The following GTF2E1 variants were observed in gnomAD, a reference collection of about 807,000 sequenced individuals.
GTF2E1 encodes the protein general transcription factor IIE subunit 1, also known as TFIIE alpha subunit.
A neutral mutation model predicts 34.9 loss-of-function variants in GTF2E1; 14 were observed. That is an observed-to-expected ratio of 0.40 (90% CI 0.27 to 0.63). The LOEUF (loss-of-function observed/expected upper bound fraction) is 0.63, where lower values mean the gene tolerates loss of function less well. Among genes scored for constraint, GTF2E1 ranks in the 20% least tolerant of loss-of-function variants. The pLI, the probability that GTF2E1 is intolerant of heterozygous loss-of-function variation, is 0.39. For missense variants in GTF2E1, 469 were observed against 557.7 expected, an observed-to-expected ratio of 0.84 and a Z score of 1.60; for synonymous variants, 188 against 192.9, an observed-to-expected ratio of 0.97 and a Z score of 0.21.
At chr3:120,748,744 G>A (rs1208040297) in intron 1 of GTF2E1, among the ~76,000 whole-genome samples, 2 of 152,074 alleles carry the variant, frequency 1.3e-5, no homozygotes, top group Non-Finnish European at 2.9e-5. Context: ...GCTCTTTTTT[G>A]GTTCCATATG....
chr3:120,742,967 C>G (rs1425197922), intron 1 of GTF2E1, 173 bp downstream of exon 1: 2 of 190,432 alleles, frequency 1.1e-5, no homozygotes, highest in Admixed American at 1.1e-4. Flanking sequence ...CGTGTGCGAC[C>G]TCGGGTAGGG....
At chr3:120,769,472 T>TGAAG (rs964626961) in intron 2 of GTF2E1, among the ~76,000 whole-genome samples, 58 of 152,290 alleles carry the variant, frequency 3.8e-4, no homozygotes, top group Middle Eastern at 3.4e-3. Context: ...AGGGAAGTGA[T>TGAAG]GAAGGTTTCC....
At chr3:120,760,405 T>A (rs973872439) in intron 2 of GTF2E1, among the ~76,000 whole-genome samples, 5 of 152,340 alleles carry the variant, frequency 3.3e-5, no homozygotes, top group African/African-American at 1.2e-4. Flanking sequence ...ATTTTCCTAA[T>A]TGAATACCCT....
At chr3:120,780,909 CA>C in intron 4 of GTF2E1, 133 bp from the exon 5 acceptor site, 1 of 614,458 alleles carries the variant, frequency 1.6e-6, no homozygotes, top group Non-Finnish European at 2.8e-6. Context: ...TTATGGATAG[CA>C]GCTCAAAAAT....
intron 1 of GTF2E1, among the ~76,000 whole-genome samples, chr3:120,747,251 TTTA>T (rs1221851299): frequency 1.3e-5 from 2 of 151,206 alleles, no homozygotes; most frequent in East Asian, 1.9e-4. Flanking sequence ...TTATTTTTAT[TTTA>T]TTATTATTAT....
In GTF2E1 at chr3:120,750,708, C is replaced by CA; in HGVS notation, c.158dup (p.Phe54ValfsTer2). On this transcript the variant is annotated frameshift_variant, in exon 2 of 5. Transcript: ENST00000283875. LOFTEE classifies it high-confidence loss of function. ...AAGAGGAGGATATGCTGGAGCTGCT[C>CA]AAGTTTGATCGGAAGCAACTTCGAT... 1 of 1,613,992 alleles carries CA rather than the reference C, an allele frequency of 6.2e-7. No individual in the cohort carries two copies. Among genetic ancestry groups the CA allele is most frequent in the Non-Finnish European group, 8.5e-7 (1 of 1,179,942 alleles).
rs377558934 is a variant in GTF2E1, at chr3:120,773,557, T to C, written c.650+2628T>C. On this transcript the variant is annotated intron_variant, in intron 3 of 4. Coordinates refer to ENST00000283875, the MANE Select transcript of GTF2E1 (RefSeq NM_005513.3). The stretch of plus-strand genomic sequence containing the variant: ...TCTATCCTTTCAGCAAGTCAACCTA[T>C]TGATGAGATATAAAAATCTTCCTAT... Among the ~76,000 whole-genome samples the C allele has an allele frequency of 2.2e-4, 33 of 152,256 alleles. No individual in the cohort carries two copies. The East Asian group carries it at 4.3e-3, about 20-fold the overall frequency.
intron 4 of GTF2E1, among the ~76,000 whole-genome samples, chr3:120,779,677 C>T (rs1202783099): frequency 3.3e-5 from 5 of 152,156 alleles, no homozygotes; most frequent in Admixed American, 6.6e-5. Context: ...CTCTTGATGA[C>T]GATGATGATA....
intron 3 of GTF2E1, among the ~76,000 whole-genome samples, chr3:120,775,739 A>G (rs959531076): frequency 6.6e-6 from 1 of 152,182 alleles, no homozygotes; most frequent in Non-Finnish European, 1.5e-5. Context: ...GACTGAGAAA[A>G]ACAGACCATT....
chr3:120,753,846 A>G (rs914229970), intron 2 of GTF2E1, among the ~76,000 whole-genome samples: 4 of 151,892 alleles, frequency 2.6e-5, no homozygotes, highest in Admixed American at 6.6e-5. Flanking sequence ...TCTGGGTTGA[A>G]CTCTCTTCAA....
chr3:120,775,941 T>A (rs1451913061), intron 3 of GTF2E1, among the ~76,000 whole-genome samples: 1 of 152,174 alleles, frequency 6.6e-6, no homozygotes, highest in Non-Finnish European at 1.5e-5. Flanking sequence ...TTTTCCATGA[T>A]CAGCACACAA....
rs773477675 is a variant in GTF2E1 at position 120,770,450 on chromosome 3, A to G, written c.449-278A>G. Among the ~76,000 whole-genome samples the G allele has an allele frequency of 5.9e-4, 90 of 152,324 alleles. 1 individual carries two copies. Among genetic ancestry groups the G allele is most frequent in the Non-Finnish European group, 1.1e-3 (77 of 68,028 alleles). ...GTAAAGAATTTGGCTTTAAGTTAAA[A>G]TAAATACATATTAGAAATATTGTGA... is the stretch of plus-strand genomic sequence containing the variant. On this transcript the variant is annotated intron_variant, in intron 2 of 4. Transcript: ENST00000283875.
Position 120,776,626 on chromosome 3 carries a change from C to G in GTF2E1, c.854C>G (p.Thr285Ser). 6.2e-7 allele frequency: 1 copy of G among 1,613,708 alleles called. No homozygotes were observed. The highest frequency in any genetic ancestry group is 1.1e-5 in the South Asian group (1 of 91,072). The change falls in exon 4 of 5, where the codon ACT becomes AGT. Residue 285 changes from threonine (T) to serine (S), a missense_variant. Physicochemically the swap from Thr to Ser is moderately conservative, Grantham distance 58. Coordinates refer to ENST00000283875, the MANE Select transcript of GTF2E1 (RefSeq NM_005513.3). ...AGGCCTATTTGGTTGAGAGAAAGCA[C>G]TGTCCAAGGGGCATATGGTTCTGAA... Reference protein sequence around the residue: ...KERPIWLRESTVQGAYGSEDM... With the variant: ...KERPIWLRESSVQGAYGSEDM...
At chr3:120,767,121 G>A (rs1023028750) in intron 2 of GTF2E1, among the ~76,000 whole-genome samples, 3 of 152,114 alleles carry the variant, frequency 2.0e-5, no homozygotes, top group Admixed American at 1.3e-4. Context: ...GCTCAGAGAT[G>A]TCAGGCTAGC....
At chr3:120,778,906 C>T (rs1296627692) in intron 4 of GTF2E1, among the ~76,000 whole-genome samples, 1 of 152,160 alleles carries the variant, frequency 6.6e-6, no homozygotes, top group African/African-American at 2.4e-5. Flanking sequence ...AGATCTGCTA[C>T]TTTTCTGCCC....
chr3:120,762,768 C>T (rs1709275368), intron 2 of GTF2E1, among the ~76,000 whole-genome samples: 1 of 152,168 alleles, frequency 6.6e-6, no homozygotes, highest in Non-Finnish European at 1.5e-5. Context: ...AATCCTGTAA[C>T]CATTCTTGGC....
intron 2 of GTF2E1, among the ~76,000 whole-genome samples, chr3:120,763,371 G>A (rs991724729): frequency 6.6e-6 from 1 of 152,098 alleles, no homozygotes; most frequent in Non-Finnish European, 1.5e-5. Flanking sequence ...TCACATTTAA[G>A]GAAGGACAAA....
At chr3:120,743,545 G>T (rs1709076887) in intron 1 of GTF2E1, among the ~76,000 whole-genome samples, 1 of 152,174 alleles carries the variant, frequency 6.6e-6, no homozygotes, top group Non-Finnish European at 1.5e-5. Flanking sequence ...TGAACAAGAT[G>T]AAGTCTGGTC....
intron 2 of GTF2E1, among the ~76,000 whole-genome samples, chr3:120,751,342 T>TA (rs1356416991): frequency 1.3e-5 from 2 of 152,308 alleles, no homozygotes; most frequent in East Asian, 3.9e-4. Context: ...ACAGTTGCAA[T>TA]ACAGTGTATT....
Sources: allele counts gnomAD v4.1 joint callset (sites outside exome capture counted in the v4.1 genomes callset), GRCh38; gene constraint gnomAD v4.1.1; transcripts MANE v1.5; gene names NCBI Gene and HGNC (gene_info 2026-07-23, HGNC 2026-07-21).